Variants in LARP1B observed in about 807,000 individuals in gnomAD.
LARP1B encodes la-related protein 1B.
A neutral mutation model predicts 114.2 loss-of-function variants in LARP1B; 76 were observed. The observed-to-expected ratio is 0.67, with a 90% CI of 0.55 to 0.81. The LOEUF (loss-of-function observed/expected upper bound fraction) is 0.81, where lower values mean the gene tolerates loss of function less well. Among genes scored for constraint, LARP1B ranks in the 30% least tolerant of loss-of-function variants. The pLI is 0.00. For missense variants in LARP1B, 1,014 were observed against 1,075.8 expected (o/e 0.94, Z 0.80); for synonymous variants, 345 against 348.0 (o/e 0.99, Z 0.10).
chr4:128,172,147 A>AT (rs898477989), intron 12 of LARP1B, among the ~76,000 whole-genome samples: 19 of 149,992 alleles, frequency 1.3e-4, no homozygotes, highest in Admixed American at 9.3e-4. Flanking sequence ...TTGGCTGATT[A>AT]TTTTTTTTCA....
intron 11 of LARP1B, chr4:128,155,336 A>AAG: frequency 1.9e-6 from 1 of 529,880 alleles, no homozygotes; most frequent in Non-Finnish European, 3.4e-6. Context: ...AAAATCTGGA[A>AAG]AGAGAGTCGG....
At chr4:128,071,246 C>T (rs1383254207) in intron 1 of LARP1B, among the ~76,000 whole-genome samples, 1 of 151,834 alleles carries the variant, frequency 6.6e-6, no homozygotes, top group Non-Finnish European at 1.5e-5. Context: ...CGGAGTTTCA[C>T]TGTGTTAGCC....
intron 11 of LARP1B, chr4:128,123,519 A>C: frequency 4.3e-6 from 2 of 462,396 alleles, no homozygotes; most frequent in Non-Finnish European, 5.7e-6. Flanking sequence ...CATTATCTAT[A>C]ATTCTATATA....
At chr4:128,219,669 TAGC>T (rs1416641631) in intron 6 of LARP1B, among the ~76,000 whole-genome samples, 47 of 120,258 alleles carry the variant, frequency 3.9e-4, no homozygotes, top group African/African-American at 1.4e-3. Context: ...GGGGGAGGGA[TAGC>T]ATTGGGAGAT....
chr4:128,096,217 T>C (rs1777936865), intron 7 of LARP1B, among the ~76,000 whole-genome samples: 1 of 152,068 alleles, frequency 6.6e-6, no homozygotes, highest in African/African-American at 2.4e-5. Context: ...ATGGTCTCGA[T>C]CTTCTGACCT....
chr4:128,156,443 A>C (rs1261549696), intron 11 of LARP1B, among the ~76,000 whole-genome samples: 5 of 151,992 alleles, frequency 3.3e-5, no homozygotes, highest in Non-Finnish European at 5.9e-5. Flanking sequence ...TCAGAGACAA[A>C]ATATTTCCCA....
chr4:128,099,861 C>T (rs1163652620), intron 8 of LARP1B, among the ~76,000 whole-genome samples: 1 of 152,078 alleles, frequency 6.6e-6, no homozygotes, highest in Admixed American at 6.6e-5. Flanking sequence ...TGCATTCCCA[C>T]GATTATCTAT....
intron 12 of LARP1B, among the ~76,000 whole-genome samples, chr4:128,170,152 T>G (rs1192189032): frequency 6.6e-6 from 1 of 152,190 alleles, no homozygotes; most frequent in Admixed American, 6.5e-5. Flanking sequence ...ATATATAGTT[T>G]AATTATATTA....
At chr4:128,116,921 G>GTTTT (rs5861843) in intron 10 of LARP1B, among the ~76,000 whole-genome samples, 3 of 136,896 alleles carry the variant, frequency 2.2e-5, no homozygotes, top group Admixed American at 7.6e-5. Flanking sequence ...TTCCTCTTGA[G>GTTTT]TTTTTTTTTT....
intron 12 of LARP1B, among the ~76,000 whole-genome samples, chr4:128,166,993 TAC>T (rs1554050281): frequency 8.0e-5 from 11 of 138,350 alleles, no homozygotes; most frequent in African/African-American, 1.9e-4. Flanking sequence ...TATATATATA[TAC>T]ACACACACAT....
chr4:128,107,574 A>G (rs1409482086), intron 9 of LARP1B: 23 of 1,372,886 alleles, frequency 1.7e-5, no homozygotes, highest in South Asian at 1.0e-4. Context: ...TGGAGTTTCT[A>G]TCTTTTATTT....
At chr4:128,143,400 T>G (rs1410313271) in intron 11 of LARP1B, among the ~76,000 whole-genome samples, 3 of 152,240 alleles carry the variant, frequency 2.0e-5, no homozygotes, top group Non-Finnish European at 4.4e-5. Flanking sequence ...CTGCCAGGGA[T>G]TCATTCATTA....
At chr4:128,093,009 G>T in intron 7 of LARP1B, 1 of 985,402 alleles carries the variant, frequency 1.0e-6, no homozygotes. Flanking sequence ...TGATCATGCA[G>T]TGTAGAATCC....
intron 7 of LARP1B, among the ~76,000 whole-genome samples, chr4:128,097,265 A>G (rs1167569355): frequency 2.0e-5 from 3 of 152,002 alleles, no homozygotes; most frequent in African/African-American, 4.8e-5. Flanking sequence ...TTCAAAATAT[A>G]TATGTGCACA....
chr4:128,207,252 T>C lies in LARP1B; in HGVS notation c.2420-4T>C, dbSNP rs1468052083. On this transcript the variant is annotated splice_region_variant and splice_polypyrimidine_tract_variant and intron_variant, in intron 18 of 19. Coordinates refer to ENST00000326639, the MANE Select transcript of LARP1B (RefSeq NM_018078.4). ...TCATAATGTATATTATTCTTTGTTA[T>C]TAGGTCAGCTGTATGGACTAGAAAA... 1.5e-6 allele frequency: 2 copies of C among 1,345,854 alleles called. No individual in the cohort carries two copies. The highest frequency in any genetic ancestry group is 3.5e-5 in the South Asian group (2 of 57,232). 83.4% of individuals were successfully genotyped at this position (1,345,854 alleles called of 1,614,324 possible).
At chr4:128,071,278 C>T (rs1765221771) in intron 1 of LARP1B, among the ~76,000 whole-genome samples, 1 of 152,068 alleles carries the variant, frequency 6.6e-6, no homozygotes, top group South Asian at 2.1e-4. Context: ...GATCTCCTGA[C>T]CTCGTGATCC....
chr4:128,123,974 A>T (rs1788787850), intron 11 of LARP1B: 1 of 152,204 alleles, frequency 6.6e-6, no homozygotes, highest in African/African-American at 2.4e-5. Context: ...CCTGATTCTT[A>T]TGTACATTCC....
chr4:128,155,708 G>A (rs1219971150), intron 11 of LARP1B: 3 of 1,607,012 alleles, frequency 1.9e-6, no homozygotes, highest in Non-Finnish European at 2.5e-6. Context: ...GAAGAGGAGC[G>A]CCGCCGAGTA....
In LARP1B at chr4:128,209,891, T is replaced by C. The variant is rs1758666234; in HGVS notation, c.2583T>C (p.His861=). 3 of 1,613,976 alleles carry C rather than the reference T, an allele frequency of 1.9e-6. No individual in the cohort carries two copies. Among genetic ancestry groups the C allele is most frequent in the Non-Finnish European group, 2.5e-6 (3 of 1,179,894 alleles). The change falls in exon 20 of 20, where the codon CAT becomes CAC. Residue 861 remains histidine, a synonymous_variant. Coordinates refer to ENST00000326639, the MANE Select transcript of LARP1B (RefSeq NM_018078.4). Reference sequence around the variant, plus strand: ...GTGATGAATTTGGAAGAAAAAGACATTCCTCTACTTCTGGTGAGGAGAGTA... The same window carrying C: ...GTGATGAATTTGGAAGAAAAAGACACTCCTCTACTTCTGGTGAGGAGAGTA... The part of the protein sequence containing the change: ...PISDEFGRKR[H]SSTSGEESNR...
Sources: allele counts gnomAD v4.1 joint callset (sites outside exome capture counted in the v4.1 genomes callset), GRCh38; gene constraint gnomAD v4.1.1; transcripts MANE v1.5; gene names NCBI Gene and HGNC (gene_info 2026-07-23, HGNC 2026-07-21).